Variants in DPYSL5 observed in about 807,000 individuals in gnomAD.
DPYSL5 encodes the protein dihydropyrimidinase-related protein 5.
Under a neutral mutation model 58.4 loss-of-function variants are expected in DPYSL5, and 9 were observed. The ratio of observed to expected loss-of-function variants is 0.15; its 90% CI spans 0.09 to 0.27. DPYSL5 has a LOEUF of 0.27. Ranked by LOEUF, DPYSL5 falls within the 10% of genes least tolerant of loss-of-function variation. The pLI is 1.00. For missense variants in DPYSL5, 499 were observed against 770.6 expected (o/e 0.65, Z 4.17); for synonymous variants, 293 against 301.9 (o/e 0.97, Z 0.31).
intron 2 of DPYSL5, among the ~76,000 whole-genome samples, chr2:26,923,871 G>A (rs1301364674): frequency 1.3e-5 from 2 of 152,052 alleles, no homozygotes; most frequent in Non-Finnish European, 2.9e-5. Flanking sequence ...TGTTGGCCAG[G>A]CTCATCTTGA....
intron 1 of DPYSL5, among the ~76,000 whole-genome samples, chr2:26,870,184 T>C (rs1277557475): frequency 6.6e-6 from 1 of 152,248 alleles, no homozygotes; most frequent in Non-Finnish European, 1.5e-5. Context: ...GCTTTACTCA[T>C]TAGAATGATA....
At chr2:26,931,777 G>A in intron 6 of DPYSL5, 93 bp downstream of exon 6, 1 of 1,367,172 alleles carries the variant, frequency 7.3e-7, no homozygotes, top group Non-Finnish European at 1.0e-6. Flanking sequence ...GGAGGCCGAG[G>A]TGCGTGGATC....
Position 26,905,696 on chromosome 2 carries a change from A to G in DPYSL5, c.261+6936A>G, listed in dbSNP as rs1664270648. Among the ~76,000 whole-genome samples, 1 of 152,150 alleles carries G rather than the reference A, an allele frequency of 6.6e-6. No individual in the cohort carries two copies. On this transcript the variant is annotated intron_variant, in intron 2 of 12. Coordinates refer to ENST00000288699, the MANE Select transcript of DPYSL5 (RefSeq NM_020134.4). This position sits in a 1 kb window ranked among gnomAD's most constrained non-coding sequence, Gnocchi z 4.0. ...AAAGAGCCCTGTGAAGGCTTCATGA[A>G]GTGACTTCCCCTCCCCTGCCACCTG...
At chr2:26,873,518 C>G (rs913057729) in intron 1 of DPYSL5, among the ~76,000 whole-genome samples, 3 of 152,182 alleles carry the variant, frequency 2.0e-5, no homozygotes, top group Admixed American at 6.5e-5. Context: ...TGTTAAACAT[C>G]TACAGTGCAC....
intron 1 of DPYSL5, among the ~76,000 whole-genome samples, chr2:26,891,062 C>A (rs761955983): frequency 6.6e-6 from 1 of 152,168 alleles, no homozygotes; most frequent in Non-Finnish European, 1.5e-5. Context: ...ACTCTAGAGA[C>A]GAACTGTCTG....
chr2:26,866,270 T>A (rs1666136255), intron 1 of DPYSL5, among the ~76,000 whole-genome samples: 1 of 152,242 alleles, frequency 6.6e-6, no homozygotes, highest in Non-Finnish European at 1.5e-5. Context: ...CATCTAGTCC[T>A]GTGCATGACA....
At chr2:26,920,510 A>G (rs1292352423) in intron 2 of DPYSL5, among the ~76,000 whole-genome samples, 4 of 152,240 alleles carry the variant, frequency 2.6e-5, no homozygotes, top group African/African-American at 9.6e-5. Context: ...TCACGTCGAT[A>G]ACCGCAGCAT....
Position 26,898,379 on chromosome 2 carries a change from T to C in DPYSL5, c.-4-117T>C. 2 of 1,427,322 alleles carry C rather than the reference T, an allele frequency of 1.4e-6. No individual in the cohort carries two copies. The highest frequency in any genetic ancestry group is 1.9e-6 in the Non-Finnish European group (2 of 1,049,958). The allele number at this position is 1,427,322 out of a possible 1,614,324, so 88.4% of individuals were successfully genotyped here. A position where few individuals can be genotyped will look rare whatever the true frequency, so the allele number is the denominator to read the frequency against. On this transcript the variant is annotated intron_variant, in intron 1 of 12. Transcript: ENST00000288699. This position sits in a 1 kb window ranked among gnomAD's most constrained non-coding sequence, Gnocchi z 6.1. ...ACTCCCGCTGGCTGTAGGGGAAAGT[T>C]CCTCCTCTTCTCTGCTCACTTACCC...
At chr2:26,872,519 G>A (rs1309638222) in intron 1 of DPYSL5, among the ~76,000 whole-genome samples, 2 of 152,066 alleles carry the variant, frequency 1.3e-5, no homozygotes, top group Admixed American at 6.6e-5. Context: ...GTGAAACCCC[G>A]TCTCTACTAA....
At chr2:26,929,772 G>A (rs1261325013) in intron 5 of DPYSL5, among the ~76,000 whole-genome samples, 1 of 152,158 alleles carries the variant, frequency 6.6e-6, no homozygotes, top group African/African-American at 2.4e-5. Context: ...CCTGCCCTCT[G>A]GCTTTATCCC....
chr2:26,893,706 A>G (rs573552471), intron 1 of DPYSL5, among the ~76,000 whole-genome samples: 1 of 152,300 alleles, frequency 6.6e-6, no homozygotes, highest in East Asian at 1.9e-4. Context: ...GATGACTGAT[A>G]GGACTGTCTT....
chr2:26,926,528 T>C (rs1183182483), intron 3 of DPYSL5, among the ~76,000 whole-genome samples: 2 of 152,194 alleles, frequency 1.3e-5, no homozygotes, highest in African/African-American at 2.4e-5. Context: ...ATGTGAAAAA[T>C]AGAAAAGAAA....
intron 2 of DPYSL5, among the ~76,000 whole-genome samples, chr2:26,899,025 T>A (rs1292752374): frequency 6.6e-6 from 1 of 152,230 alleles, no homozygotes. Flanking sequence ...CTGATTTTAT[T>A]TGTATATCTT....
intron 8 of DPYSL5, chr2:26,938,916 C>T (rs1345364979): frequency 6.6e-6 from 1 of 152,314 alleles, no homozygotes; most frequent in Non-Finnish European, 1.5e-5. Flanking sequence ...GAGGCCCTGA[C>T]CTGGTTTGCG....
At chr2:26,874,849 G>A (rs776252863) in intron 1 of DPYSL5, among the ~76,000 whole-genome samples, 37 of 152,138 alleles carry the variant, frequency 2.4e-4, no homozygotes, top group Non-Finnish European at 5.0e-4. Flanking sequence ...TTTAATATGA[G>A]CTTATCAATA....
intron 2 of DPYSL5, among the ~76,000 whole-genome samples, chr2:26,915,569 T>C (rs1664541030): frequency 5.3e-5 from 8 of 152,176 alleles, no homozygotes; most frequent in Admixed American, 5.2e-4. Flanking sequence ...CAGAGTGCTT[T>C]CTGTGCCCCA....
chr2:26,866,544 C>T (rs1020275156), intron 1 of DPYSL5, among the ~76,000 whole-genome samples: 4 of 151,612 alleles, frequency 2.6e-5, no homozygotes, highest in African/African-American at 9.7e-5. Flanking sequence ...AAAAATGAGG[C>T]TTAGAAGAAT....
intron 2 of DPYSL5, among the ~76,000 whole-genome samples, chr2:26,918,318 C>T (rs1664625274): frequency 6.6e-6 from 1 of 152,132 alleles, no homozygotes; most frequent in Non-Finnish European, 1.5e-5. Context: ...CATGCATCAC[C>T]TCACTTGATG....
Position 26,950,264 on chromosome 2 carries a change from TGCTTTG to T in DPYSL5, c.*3272_*3277del, listed in dbSNP as rs1487103838. On this transcript the variant is annotated 3_prime_UTR_variant, in exon 13 of 13. Transcript: ENST00000288699. The surrounding 1 kb of genome is among the most constrained non-coding windows in gnomAD (Gnocchi z 5.3). ...AACCCCAAGACGACACATGGTCCTGTGCTTTGGCCACCGTTTGAGGCAAAAACTAAA... is the reference window on the plus strand; with the variant it reads ...AACCCCAAGACGACACATGGTCCTGTGCCACCGTTTGAGGCAAAAACTAAA... The T allele has an allele frequency of 1.3e-5, 2 of 152,250 alleles. No homozygotes were observed. The highest frequency in any genetic ancestry group is 2.9e-5 in the Non-Finnish European group (2 of 68,068). 9.4% of individuals were successfully genotyped at this position (152,250 alleles called of 1,614,324 possible).
Sources: allele counts gnomAD v4.1 joint callset (sites outside exome capture counted in the v4.1 genomes callset), GRCh38; gene constraint gnomAD v4.1.1; non-coding constraint Gnocchi (gnomAD v3.1); transcripts MANE v1.5; gene names NCBI Gene and HGNC (gene_info 2026-07-23, HGNC 2026-07-21).